AKT3: variants seen among roughly 807,000 people sequenced by gnomAD.
The protein encoded by AKT3 is RAC-gamma serine/threonine-protein kinase.
AKT3 carries 15 observed loss-of-function variants against 65.3 expected under a neutral mutation model. The observed-to-expected ratio is 0.23, with a 90% confidence interval of 0.15 to 0.35. The LOEUF is 0.35. AKT3 is among the 10% of genes least tolerant of loss of function. The pLI is 1.00. For missense variants in AKT3, 243 were observed against 576.5 expected (o/e 0.42, Z 5.92); for synonymous variants, 206 against 183.8 (o/e 1.12, Z -0.98).
At chr1:243,706,897 T>G (rs1053601677) in intron 2 of AKT3, among the ~76,000 whole-genome samples, 10 of 152,014 alleles carry the variant, frequency 6.6e-5, no homozygotes, top group Admixed American at 5.9e-4. Context: ...GAGTTAAGAT[T>G]CAAAGAGTGG....
chr1:243,549,760 A>T (rs1672915062), intron 11 of AKT3, among the ~76,000 whole-genome samples: 1 of 151,992 alleles, frequency 6.6e-6, no homozygotes, highest in Admixed American at 6.6e-5. Flanking sequence ...CTGCCCCTGG[A>T]TCCTCACTCA....
At chr1:243,498,900 A>G (rs1424301178), downstream of AKT3, among the ~76,000 whole-genome samples, 2 of 152,244 alleles carry the variant, frequency 1.3e-5, no homozygotes, top group Non-Finnish European at 2.9e-5. Flanking sequence ...TCTGACGTAG[A>G]AACCGGGATT....
chr1:243,513,014 T>G (rs1670117405), intron 12 of AKT3, among the ~76,000 whole-genome samples: 1 of 152,188 alleles, frequency 6.6e-6, no homozygotes, highest in South Asian at 2.1e-4. Context: ...GCCCACAGCT[T>G]TCATCAGATC....
At chr1:243,823,462 G>A (rs1489442585) in intron 2 of AKT3, among the ~76,000 whole-genome samples, 1 of 152,162 alleles carries the variant, frequency 6.6e-6, no homozygotes, top group Non-Finnish European at 1.5e-5. Context: ...ATTCAAACAG[G>A]AAGAGAGGAA....
intron 2 of AKT3, chr1:243,702,777 G>A (rs1319398464): frequency 6.6e-6 from 1 of 152,210 alleles, no homozygotes; most frequent in Admixed American, 6.5e-5. Context: ...GTATTAATTT[G>A]ACTAATACTT....
At chr1:243,512,675 G>A (rs932811198) in intron 12 of AKT3, among the ~76,000 whole-genome samples, 7 of 152,088 alleles carry the variant, frequency 4.6e-5, no homozygotes, top group Admixed American at 3.9e-4. Flanking sequence ...TGAATAGGAC[G>A]GGAGAGGGAT....
intron 2 of AKT3, among the ~76,000 whole-genome samples, chr1:243,833,521 C>A (rs530763093): frequency 1.3e-5 from 2 of 151,826 alleles, no homozygotes; most frequent in Non-Finnish European, 2.9e-5. Flanking sequence ...TCAATTACCT[C>A]CGCCTGGTCT....
chr1:243,849,850 C>A (rs901457510), intron 1 of AKT3, among the ~76,000 whole-genome samples, 190 bp downstream of exon 1: 26 of 152,052 alleles, frequency 1.7e-4, no homozygotes, highest in African/African-American at 6.3e-4. Context: ...CACACCCACA[C>A]CCGAAGCCTC....
At chr1:243,489,995 G>A (rs1665997562) in intron 13 of AKT3, among the ~76,000 whole-genome samples, 1 of 152,222 alleles carries the variant, frequency 6.6e-6, no homozygotes, top group African/African-American at 2.4e-5. Flanking sequence ...TGGTCCGTGG[G>A]CTGACCAAGG....
In AKT3 at chr1:243,673,738, C is replaced by T. The variant is rs768748929; in HGVS notation, c.173-8855G>A. Among the ~76,000 whole-genome samples, 98 of 151,674 alleles carry T rather than the reference C, an allele frequency of 6.5e-4. 1 individual carries two copies. Among genetic ancestry groups the T allele is most frequent in the Non-Finnish European group, 8.8e-5 (6 of 67,948 alleles). On this transcript the variant is annotated intron_variant, in intron 3 of 13. Coordinates refer to ENST00000673466, the MANE Select transcript of AKT3 (RefSeq NM_005465.7). ...CAAGCAATTCTCCTGCCTCAGCCTC[C>T]GGAGTAGCGAGGACTACAGGCGTGC...
In AKT3 at chr1:243,579,193, G is replaced by C. The variant is rs990489221; in HGVS notation, c.697-6145C>G. 4.6e-5 allele frequency among the ~76,000 whole-genome samples: 7 copies of C among 152,092 alleles called. No individual in the cohort carries two copies. The South Asian group carries it at 6.2e-4, about 14-fold the overall frequency. Reference sequence around the variant, plus strand: ...TGGGAATGGGGACAGAGGAGCAATGGGTTTTATTTTGACATGCTGATATCT... The same window carrying C: ...TGGGAATGGGGACAGAGGAGCAATGCGTTTTATTTTGACATGCTGATATCT... On this transcript the variant is annotated intron_variant, in intron 8 of 13. Coordinates refer to ENST00000673466, the MANE Select transcript of AKT3 (RefSeq NM_005465.7).
intron 12 of AKT3, among the ~76,000 whole-genome samples, chr1:243,538,897 T>C (rs1311518309): frequency 2.0e-5 from 3 of 151,660 alleles, no homozygotes; most frequent in Non-Finnish European, 4.4e-5. Flanking sequence ...TTAATCTAAA[T>C]ATGTATGCAA....
intron 8 of AKT3, among the ~76,000 whole-genome samples, chr1:243,579,923 A>AT (rs1175156802): frequency 6.6e-6 from 1 of 152,236 alleles, no homozygotes; most frequent in African/African-American, 2.4e-5. Context: ...AATAAAATTT[A>AT]TATGTATTAG....
chr1:243,735,752 G>A (rs1214249383), intron 2 of AKT3: 1 of 152,080 alleles, frequency 6.6e-6, no homozygotes, highest in African/African-American at 2.4e-5. Flanking sequence ...AATCACCTGT[G>A]GGAAACAAAT....
At chr1:243,674,619 C>T (rs1204940378) in intron 3 of AKT3, among the ~76,000 whole-genome samples, 2 of 152,108 alleles carry the variant, frequency 1.3e-5, no homozygotes, top group East Asian at 1.9e-4. Flanking sequence ...GTGAATGTAC[C>T]CAAAAGAGGG....
chr1:243,674,902 G>A (rs1309170589), intron 3 of AKT3, among the ~76,000 whole-genome samples: 1 of 152,094 alleles, frequency 6.6e-6, no homozygotes, highest in African/African-American at 2.4e-5. Context: ...GCTGAGATAT[G>A]GGCTTCTAGT....
chr1:243,691,451 A>C lies in AKT3; in HGVS notation c.172+4140T>G, dbSNP rs184090655. ...CACTTTGATACCCGCGTGAAGAAAG[A>C]GTATGAGTGGTACAAACTAGAAACA... On this transcript the variant is annotated intron_variant, in intron 3 of 13. Transcript: ENST00000673466. Among the ~76,000 whole-genome samples the C allele has an allele frequency of 8.5e-5, 13 of 152,342 alleles. No homozygotes were observed. In the East Asian group the frequency reaches 2.1e-3, roughly 25 times the overall value.
chr1:243,601,561 A>C (rs1469831106), intron 8 of AKT3, among the ~76,000 whole-genome samples: 1 of 152,198 alleles, frequency 6.6e-6, no homozygotes, highest in African/African-American at 2.4e-5. Flanking sequence ...TTGCATTTCT[A>C]TGTATTTACC....
At chr1:243,615,472 T>C (rs1044069368) in intron 6 of AKT3, among the ~76,000 whole-genome samples, 6 of 152,190 alleles carry the variant, frequency 3.9e-5, no homozygotes, top group African/African-American at 1.2e-4. Context: ...TGAGCTTTCC[T>C]CCTTGAAGGG....
Sources: allele counts gnomAD v4.1 joint callset (sites outside exome capture counted in the v4.1 genomes callset), GRCh38; gene constraint gnomAD v4.1.1; transcripts MANE v1.5; gene names NCBI Gene and HGNC (gene_info 2026-07-23, HGNC 2026-07-21).